Variants in POU3F3 observed in about 807,000 individuals in gnomAD.
POU3F3 encodes the protein POU class 3 homeobox 3.
In POU3F3, 1 loss-of-function variant was observed where a neutral mutation model predicts 8.6. That is an observed-to-expected ratio of 0.12 (90% CI 0.04 to 0.55). POU3F3 has a LOEUF of 0.55. Ranked by LOEUF, POU3F3 falls within the 20% of genes least tolerant of loss-of-function variation. The pLI, the probability that POU3F3 is intolerant of heterozygous loss-of-function variation, is 0.91. For synonymous variants in POU3F3, 418 were observed against 327.4 expected (o/e 1.28, Z -2.99); for missense variants, 577 against 690.7 (o/e 0.84, Z 1.84).
At chr2:104,880,030 A>G in the POU3F3 span, among the ~76,000 whole-genome samples, 39 of 152,224 alleles carry the variant, frequency 2.6e-4, no homozygotes, top group Non-Finnish European at 4.3e-4. Context: ...GCTTTGGGCC[A>G]ATACCTGCTC....
the POU3F3 span, among the ~76,000 whole-genome samples, chr2:104,893,277 T>C: frequency 6.6e-6 from 1 of 152,208 alleles, no homozygotes; most frequent in Admixed American, 6.5e-5. Flanking sequence ...CCCAGTGTGA[T>C]GGATCCCTCG....
rs372764445 is a variant in POU3F3, at chr2:104,856,731, C to G, written c.1221C>G (p.Arg407=). ...IDKIAAQGRK[R]KKRTSIEVSV... ...AGATCGCGGCGCAGGGCCGCAAGCGCAAGAAGCGGACCTCTATCGAGGTGA... is the reference window on the plus strand; with the variant it reads ...AGATCGCGGCGCAGGGCCGCAAGCGGAAGAAGCGGACCTCTATCGAGGTGA... Residue 407 remains arginine (R), a synonymous_variant, in exon 1 of 1, where the codon CGC becomes CGG. Coordinates refer to ENST00000361360, the MANE Select transcript of POU3F3 (RefSeq NM_006236.3). The G allele has an allele frequency of 1.9e-6, 3 of 1,614,042 alleles. No individual in the cohort carries two copies. Among genetic ancestry groups the G allele is most frequent in the Non-Finnish European group, 2.5e-6 (3 of 1,180,056 alleles).
At chr2:104,893,954 A>G in the POU3F3 span, among the ~76,000 whole-genome samples, 7,876 of 152,208 alleles carry the variant, frequency 0.052, 274 homozygotes, top group Middle Eastern at 0.14. Flanking sequence ...AGGTGCTTCA[A>G]TCATGTTAGC....
downstream of POU3F3, among the ~76,000 whole-genome samples, chr2:104,861,771 C>T (rs1676660148): frequency 6.6e-6 from 1 of 152,142 alleles, no homozygotes; most frequent in Non-Finnish European, 1.5e-5. Context: ...ATGTGAGAAG[C>T]GTGGGGCAAC....
chr2:104,862,560 G>A (rs545986990), downstream of POU3F3, among the ~76,000 whole-genome samples: 20 of 152,232 alleles, frequency 1.3e-4, no homozygotes, highest in African/African-American at 4.8e-4. Flanking sequence ...GGGCAGGGCT[G>A]GGCGCGGAGG....
chr2:104,914,466 G>A, the POU3F3 span, among the ~76,000 whole-genome samples: 6 of 152,338 alleles, frequency 3.9e-5, no homozygotes, highest in African/African-American at 1.4e-4. Context: ...TGAGGAGTAA[G>A]ACTTCTTTTT....
At chr2:104,894,062 G>A in the POU3F3 span, among the ~76,000 whole-genome samples, 59 of 152,244 alleles carry the variant, frequency 3.9e-4, no homozygotes, top group South Asian at 0.011. Flanking sequence ...TGGCTGTTGC[G>A]GTTAAGATCC....
At chr2:104,908,200 T>G in the POU3F3 span, among the ~76,000 whole-genome samples, 1 of 152,222 alleles carries the variant, frequency 6.6e-6, no homozygotes, top group Admixed American at 6.5e-5. Context: ...TTACCAATAT[T>G]TTATTCAGGA....
chr2:104,882,591 G>A, the POU3F3 span, among the ~76,000 whole-genome samples: 1 of 152,016 alleles, frequency 6.6e-6, no homozygotes. Flanking sequence ...CCTCACCTAG[G>A]TTCTATATAG....
chr2:104,878,198 C>T, the POU3F3 span, among the ~76,000 whole-genome samples: 3 of 152,060 alleles, frequency 2.0e-5, no homozygotes, highest in Admixed American at 1.3e-4. Flanking sequence ...GCTAGCAGAC[C>T]GAGCCTTAAT....
the POU3F3 span, among the ~76,000 whole-genome samples, chr2:104,885,398 G>A: frequency 6.6e-6 from 1 of 152,192 alleles, no homozygotes. Context: ...TAGGTCACAC[G>A]ATGAAATAGG....
At chr2:104,865,233 A>C in the POU3F3 span, among the ~76,000 whole-genome samples, 1 of 152,160 alleles carries the variant, frequency 6.6e-6, no homozygotes, top group African/African-American at 2.4e-5. Flanking sequence ...AAGTTGATAG[A>C]GGGGTGTTGT....
At chr2:104,853,497 C>T, upstream of POU3F3, 1 of 153,040 alleles carries the variant, frequency 6.5e-6, no homozygotes, top group Non-Finnish European at 1.5e-5. Flanking sequence ...CCACCCCCGC[C>T]GATCAGAGAA....
chr2:104,871,781 T>C, the POU3F3 span, among the ~76,000 whole-genome samples: 1 of 152,144 alleles, frequency 6.6e-6, no homozygotes, highest in Non-Finnish European at 1.5e-5. Flanking sequence ...TGATATAGAA[T>C]TGAGGTCACA....
the POU3F3 span, among the ~76,000 whole-genome samples, chr2:104,879,966 C>T: frequency 1.2e-4 from 18 of 152,176 alleles, no homozygotes; most frequent in Non-Finnish European, 2.1e-4. Context: ...AATCATCATA[C>T]GATTTAAAAA....
chr2:104,856,012 G>C lies in POU3F3; in HGVS notation c.502G>C (p.Gly168Arg), dbSNP rs1364164998. ...CGCGGGCACAGCGCTGCACCACCGC[G>C]GGCCGCCGCACCTCGGACCCCCGCC... ...LHAGTALHHR[G>R]PPHLGPPPPP... Residue 168 changes from glycine (G) to arginine (R), a missense_variant, in exon 1 of 1, where the codon GGG (glycine) becomes CGG (arginine). By Grantham distance (125) the Gly-to-Arg change is moderately radical. This residue lies in a region of POU3F3 where 484 missense variants were observed against 422.6 expected (regional missense o/e 1.15). Coordinates refer to ENST00000361360, the MANE Select transcript of POU3F3 (RefSeq NM_006236.3). 2.0e-6 allele frequency: 2 copies of C among 987,348 alleles called. No individual in the cohort carries two copies. Among genetic ancestry groups the C allele is most frequent in the Non-Finnish European group, 2.4e-6 (2 of 834,432 alleles). 61.2% of individuals were successfully genotyped at this position (987,348 alleles called of 1,614,324 possible).
At chr2:104,892,163 A>T in the POU3F3 span, among the ~76,000 whole-genome samples, 1 of 152,150 alleles carries the variant, frequency 6.6e-6, no homozygotes, top group Non-Finnish European at 1.5e-5. Context: ...CCCTTCACCT[A>T]GCAAGTGACA....
chr2:104,873,428 C>G, the POU3F3 span, among the ~76,000 whole-genome samples: 26 of 152,080 alleles, frequency 1.7e-4, no homozygotes, highest in African/African-American at 5.6e-4. Context: ...CAGCTCCTCC[C>G]GTGAGCGCGC....
At chr2:104,916,081 T>C in the POU3F3 span, among the ~76,000 whole-genome samples, 1 of 152,162 alleles carries the variant, frequency 6.6e-6, no homozygotes, top group African/African-American at 2.4e-5. Flanking sequence ...ACATACATGA[T>C]GAAACAATTT....
Sources: gnomAD v4.1 joint callset for allele counts (sites outside exome capture counted in the v4.1 genomes callset) on GRCh38, gnomAD v4.1.1 for gene constraint, gnomAD v4.1.1 regional missense constraint, MANE v1.5 for transcripts, NCBI Gene and HGNC (gene_info 2026-07-23, HGNC 2026-07-21) for gene names.